The following CNNM2 variants were observed in gnomAD, a reference collection of about 807,000 sequenced individuals.
CNNM2 encodes metal transporter CNNM2.
In CNNM2, 12 loss-of-function variants were observed where a neutral mutation model predicts 66.9. That is an observed-to-expected ratio of 0.18 (90% CI 0.11 to 0.29). CNNM2 has a LOEUF of 0.29. Among genes scored for constraint, CNNM2 ranks in the 10% least tolerant of loss-of-function variants. The probability of loss-of-function intolerance (pLI) is 1.00; values close to 1 mark genes in which losing one functional copy is unlikely to be tolerated. For missense variants in CNNM2, 705 were observed against 1,167.7 expected (o/e 0.60, Z 5.77); for synonymous variants, 557 against 501.8 (o/e 1.11, Z -1.47).
intron 1 of CNNM2, among the ~76,000 whole-genome samples, chr10:103,021,127 G>T (rs1387324525): frequency 6.6e-6 from 1 of 152,114 alleles, no homozygotes; most frequent in African/African-American, 2.4e-5. Flanking sequence ...CTAGACAACA[G>T]GCAAGGCGGG....
chr10:102,973,483 G>T (rs2063577049), intron 1 of CNNM2, among the ~76,000 whole-genome samples: 2 of 151,000 alleles, frequency 1.3e-5, no homozygotes, highest in African/African-American at 4.9e-5. Context: ...ACTAAAACAT[G>T]CATGCTTGTG....
chr10:103,040,398 G>A (rs1031533422), intron 1 of CNNM2, among the ~76,000 whole-genome samples: 1 of 152,014 alleles, frequency 6.6e-6, no homozygotes, highest in African/African-American at 2.4e-5. Context: ...GGCGGATGAA[G>A]CTTAAGAAGG....
rs1303443631 is a variant in CNNM2, at chr10:102,918,430, G to T, written c.-51G>T. The stretch of plus-strand genomic sequence containing the variant: ...GTCTCGCCCAGGGGCCGGTACCTGC[G>T]CTCGCGCCGCCGGGTTGAAAGGATG... On this transcript the variant is annotated 5_prime_UTR_variant, in exon 1 of 8. Coordinates refer to ENST00000369878, the MANE Select transcript of CNNM2 (RefSeq NM_017649.5). The surrounding 1 kb of genome is among the most constrained non-coding windows in gnomAD (Gnocchi z 4.1). 5 of 1,570,396 alleles carry T rather than the reference G, an allele frequency of 3.2e-6. No homozygotes were observed. The highest frequency in any genetic ancestry group is 2.3e-5 in the South Asian group (2 of 86,414).
chr10:103,031,792 C>T (rs934837516), intron 1 of CNNM2, among the ~76,000 whole-genome samples: 2 of 151,944 alleles, frequency 1.3e-5, no homozygotes, highest in African/African-American at 2.4e-5. Context: ...TTTTAGGAAC[C>T]TATGGAATGG....
intron 1 of CNNM2, among the ~76,000 whole-genome samples, chr10:102,939,813 A>G (rs965796718): frequency 3.3e-5 from 5 of 152,140 alleles, no homozygotes; most frequent in African/African-American, 1.2e-4. Context: ...TCTACTAAAA[A>G]TACAAAAATC....
At chr10:103,037,657 C>CA (rs2064966914) in intron 1 of CNNM2, among the ~76,000 whole-genome samples, 1 of 151,978 alleles carries the variant, frequency 6.6e-6, no homozygotes, top group South Asian at 2.1e-4. Flanking sequence ...AGTATAAGTA[C>CA]AAAGGAAAAC....
intron 1 of CNNM2, among the ~76,000 whole-genome samples, chr10:103,021,207 G>A (rs1389852740): frequency 6.6e-6 from 1 of 152,138 alleles, no homozygotes; most frequent in Non-Finnish European, 1.5e-5. Context: ...GAGATCACAG[G>A]GCAAGGAGGG....
chr10:103,066,866 T>C (rs1041135405), intron 4 of CNNM2, among the ~76,000 whole-genome samples: 6 of 152,054 alleles, frequency 3.9e-5, no homozygotes, highest in Non-Finnish European at 7.4e-5. Flanking sequence ...GCCCTGCCTG[T>C]GTGGGGAAGG....
At chr10:103,052,034 T>TG (rs2134333484) in intron 2 of CNNM2, among the ~76,000 whole-genome samples, 1 of 152,110 alleles carries the variant, frequency 6.6e-6, no homozygotes, top group Non-Finnish European at 1.5e-5. Flanking sequence ...CCCAGCACTT[T>TG]GGGAGGGCGA....
At chr10:102,921,578 G>T (rs1459313374) in intron 1 of CNNM2, among the ~76,000 whole-genome samples, 1 of 152,202 alleles carries the variant, frequency 6.6e-6, no homozygotes, top group East Asian at 1.9e-4. Context: ...AAAATGTCCA[G>T]TATCTCTAGG....
rs1439923397 is a variant in CNNM2 at position 102,925,277 on chromosome 10, C to G, written c.1621+5176C>G. ...CACCATTGCATTCCAGCCTGGGCAA[C>G]AAGAGCGAAACTCCATCTCAAAAAA... is the stretch of plus-strand genomic sequence containing the variant. On this transcript the variant is annotated intron_variant, in intron 1 of 7. Transcript: ENST00000369878. Among the ~76,000 whole-genome samples the G allele has an allele frequency of 4.2e-5, 4 of 95,460 alleles. No homozygotes were observed. The East Asian group carries it at 1.1e-3, about 27-fold the overall frequency. The allele number at this position is 95,460 out of a possible 152,430, so 62.6% of individuals were successfully genotyped here.
intron 1 of CNNM2, among the ~76,000 whole-genome samples, chr10:103,022,096 T>G (rs956331775): frequency 1.3e-5 from 2 of 152,182 alleles, no homozygotes; most frequent in African/African-American, 4.8e-5. Context: ...CAGCCACAAT[T>G]CTGACTTCTT....
Position 102,958,459 on chromosome 10 carries a change from G to GTTTTT in CNNM2, c.1621+38384_1621+38388dup, listed in dbSNP as rs33992570. Among the ~76,000 whole-genome samples, 33 of 51,752 alleles carry GTTTTT rather than the reference G, an allele frequency of 6.4e-4. No homozygotes were observed. Among genetic ancestry groups the GTTTTT allele is most frequent in the South Asian group, 8.9e-4 (1 of 1,118 alleles). The allele number at this position is 51,752 out of a possible 152,430, so 34.0% of individuals were successfully genotyped here. On this transcript the variant is annotated intron_variant, in intron 1 of 7. Coordinates refer to ENST00000369878, the MANE Select transcript of CNNM2 (RefSeq NM_017649.5). ...GACTTGTTCTGAATTCAAGCAACTTGTTTTTTTTTTTTTTTTTTTTTTTTT... is the reference window on the plus strand; with the variant it reads ...GACTTGTTCTGAATTCAAGCAACTTGTTTTTTTTTTTTTTTTTTTTTTTTTTTTTT...
At chr10:102,930,010 T>C (rs905091930) in intron 1 of CNNM2, among the ~76,000 whole-genome samples, 1 of 152,182 alleles carries the variant, frequency 6.6e-6, no homozygotes, top group African/African-American at 2.4e-5. Flanking sequence ...TGATTTAGTA[T>C]TTTTTTCCCC....
chr10:102,972,436 A>G (rs1212677429), intron 1 of CNNM2, among the ~76,000 whole-genome samples: 1 of 152,106 alleles, frequency 6.6e-6, no homozygotes, highest in South Asian at 2.1e-4. Flanking sequence ...GGAGATCAAG[A>G]CCATCCTGGC....
At chr10:103,075,640 A>C (rs560860213) in intron 6 of CNNM2, among the ~76,000 whole-genome samples, 1 of 152,350 alleles carries the variant, frequency 6.6e-6, no homozygotes, top group African/African-American at 2.4e-5. Flanking sequence ...TTTATAATAC[A>C]TACTGATTTA....
At chr10:103,008,544 C>T (rs566984283) in intron 1 of CNNM2, among the ~76,000 whole-genome samples, 1 of 152,158 alleles carries the variant, frequency 6.6e-6, no homozygotes, top group African/African-American at 2.4e-5. Context: ...TTTGGGAGGC[C>T]AAGGCAGGAG....
intron 1 of CNNM2, chr10:102,927,269 C>T: frequency 6.3e-7 from 1 of 1,595,318 alleles, no homozygotes; most frequent in Non-Finnish European, 8.6e-7. Context: ...TAAACTCAAA[C>T]ATGTGGAAGT....
chr10:102,957,501 C>T (rs148201456), intron 1 of CNNM2, among the ~76,000 whole-genome samples: 98 of 152,226 alleles, frequency 6.4e-4, no homozygotes, highest in African/African-American at 2.1e-3. Context: ...ACTCTATGCA[C>T]TAGGTAATTA....
Sources: allele counts gnomAD v4.1 joint callset (sites outside exome capture counted in the v4.1 genomes callset), GRCh38; gene constraint gnomAD v4.1.1; non-coding constraint Gnocchi (gnomAD v3.1); transcripts MANE v1.5; gene names NCBI Gene and HGNC (gene_info 2026-07-23, HGNC 2026-07-21).